Variants in CDH13 observed in about 807,000 individuals in gnomAD.
The protein encoded by CDH13 is cadherin 13, also known as cadherin-13.
Under a neutral mutation model 63.8 loss-of-function variants are expected in CDH13, and 24 were observed. The observed-to-expected ratio is 0.38, with a 90% CI of 0.27 to 0.53. The LOEUF (loss-of-function observed/expected upper bound fraction) is 0.53, where lower values mean the gene tolerates loss of function less well. Among genes scored for constraint, CDH13 ranks in the 20% least tolerant of loss-of-function variants. The probability of loss-of-function intolerance (pLI) is 0.85; values close to 1 mark genes in which losing one functional copy is unlikely to be tolerated. For missense variants in CDH13, 1,049 were observed against 903.1 expected, an observed-to-expected ratio of 1.16 and a Z score of -2.07; for synonymous variants, 503 against 355.3, an observed-to-expected ratio of 1.42 and a Z score of -4.67.
chr16:83,392,429 A>T (rs1434439788), intron 6 of CDH13, among the ~76,000 whole-genome samples: 2 of 152,250 alleles, frequency 1.3e-5, no homozygotes, highest in Non-Finnish European at 2.9e-5. Context: ...ATGAGCTAAG[A>T]TTCTGAGTGC....
chr16:83,023,887 G>A (rs1401488800), intron 2 of CDH13, among the ~76,000 whole-genome samples: 1 of 152,170 alleles, frequency 6.6e-6, no homozygotes, highest in East Asian at 1.9e-4. Context: ...AAAAGAAAAT[G>A]TTGTGGCTTG....
intron 7 of CDH13, among the ~76,000 whole-genome samples, chr16:83,556,978 C>T (rs2075616364): frequency 6.6e-6 from 1 of 152,216 alleles, no homozygotes; most frequent in Admixed American, 6.5e-5. Flanking sequence ...CCCCGACCCC[C>T]AGGCCTGTAG....
intron 1 of CDH13, among the ~76,000 whole-genome samples, chr16:82,766,806 A>T (rs1040756768): frequency 1.3e-4 from 20 of 152,196 alleles, no homozygotes; most frequent in Non-Finnish European, 2.5e-4. Context: ...AATATAAAAT[A>T]TACTATAACA....
At chr16:83,107,731 T>TG (rs201302537) in intron 3 of CDH13, among the ~76,000 whole-genome samples, 5 of 143,722 alleles carry the variant, frequency 3.5e-5, no homozygotes, top group East Asian at 2.0e-4. Context: ...GAATTTTAGG[T>TG]GGGTTTTTTT....
At chr16:82,732,241 T>C (rs944945931) in intron 1 of CDH13, among the ~76,000 whole-genome samples, 3 of 152,196 alleles carry the variant, frequency 2.0e-5, no homozygotes, top group South Asian at 2.1e-4. Context: ...TGTTGAAATA[T>C]TATGTTTGTA....
intron 1 of CDH13, among the ~76,000 whole-genome samples, chr16:82,667,184 A>C (rs149324939): frequency 6.6e-6 from 1 of 152,254 alleles, no homozygotes; most frequent in East Asian, 1.9e-4. Flanking sequence ...AGGGTATTGA[A>C]ATTTAAGAGG....
At chr16:83,134,351 A>G (rs1248921667) in intron 4 of CDH13, among the ~76,000 whole-genome samples, 3 of 152,030 alleles carry the variant, frequency 2.0e-5, no homozygotes, top group African/African-American at 7.2e-5. Context: ...CACCATGCCC[A>G]GTTAATTTTT....
chr16:83,123,433 C>G (rs1164938048), intron 3 of CDH13, among the ~76,000 whole-genome samples: 1 of 152,046 alleles, frequency 6.6e-6, no homozygotes, highest in African/African-American at 2.4e-5. Context: ...GCATGCACCA[C>G]CATGCCCGGC....
intron 7 of CDH13, among the ~76,000 whole-genome samples, chr16:83,492,557 C>G (rs2074039079): frequency 1.3e-5 from 2 of 152,114 alleles, no homozygotes; most frequent in Admixed American, 6.5e-5. Context: ...AATAAATTGC[C>G]TTATTATTTT....
At chr16:83,485,161 G>T (rs2073857854) in intron 6 of CDH13, among the ~76,000 whole-genome samples, 1 of 152,216 alleles carries the variant, frequency 6.6e-6, no homozygotes, top group African/African-American at 2.4e-5. Context: ...CCCTGTTGAT[G>T]AACAGCTAGG....
intron 3 of CDH13, among the ~76,000 whole-genome samples, chr16:83,057,168 T>A (rs2031033232): frequency 6.6e-6 from 1 of 152,108 alleles, no homozygotes; most frequent in African/African-American, 2.4e-5. Flanking sequence ...GGTTTCACCA[T>A]GTTGGCCAGG....
intron 3 of CDH13, among the ~76,000 whole-genome samples, chr16:83,077,341 A>G (rs1326367910): frequency 6.7e-6 from 1 of 150,148 alleles, no homozygotes; most frequent in Admixed American, 6.6e-5. Context: ...ACAGGTGCAC[A>G]CCACCATGCC....
At chr16:82,879,936 A>G (rs2040639625) in intron 2 of CDH13, among the ~76,000 whole-genome samples, 1 of 129,646 alleles carries the variant, frequency 7.7e-6, no homozygotes. Context: ...GAAATATATA[A>G]TATATATTAT....
At chr16:83,359,720 T>C (rs536626974) in intron 6 of CDH13, among the ~76,000 whole-genome samples, 1 of 152,346 alleles carries the variant, frequency 6.6e-6, no homozygotes, top group South Asian at 2.1e-4. Flanking sequence ...TAAATATTTG[T>C]CACAAATTTG....
At chr16:83,468,611 G>A (rs536993639) in intron 6 of CDH13, among the ~76,000 whole-genome samples, 11 of 152,294 alleles carry the variant, frequency 7.2e-5, no homozygotes, top group East Asian at 3.9e-4. Context: ...TGTGTGAGGC[G>A]TAGGGCAAAT....
At chr16:83,265,930 C>T (rs1414208947) in intron 5 of CDH13, among the ~76,000 whole-genome samples, 5 of 151,560 alleles carry the variant, frequency 3.3e-5, no homozygotes, top group African/African-American at 4.9e-5. Context: ...TAGTTATTTT[C>T]GGTTTTTTGT....
Position 83,616,844 on chromosome 16 carries a change from A to G in CDH13, c.1101+14250A>G, listed in dbSNP as rs565557132. Among the ~76,000 whole-genome samples the G allele has an allele frequency of 3.5e-3, 533 of 152,302 alleles. 2 individuals are homozygous for G. Among genetic ancestry groups the G allele is most frequent in the African/African-American group, 0.012 (504 of 41,572 alleles). ...TTTCAAACACTGTCCACCTGGCTAC[A>G]GCCTGCCTTCGTCTTAGGCCACACG... is the stretch of plus-strand genomic sequence containing the variant. On this transcript the variant is annotated intron_variant, in intron 8 of 13. Transcript: ENST00000567109.
intron 7 of CDH13, among the ~76,000 whole-genome samples, chr16:83,502,843 C>A (rs2074312437): frequency 1.3e-5 from 2 of 152,146 alleles, no homozygotes. Context: ...AGGCACAGTC[C>A]ACTTGACCAG....
At chr16:83,271,422 T>TTTAAAAAAAA (rs1555522986) in intron 5 of CDH13, among the ~76,000 whole-genome samples, 7 of 26,032 alleles carry the variant, frequency 2.7e-4, no homozygotes, top group Non-Finnish European at 4.9e-4. Context: ...GCAGAGTTCA[T>TTTAAAAAAAA]AAAAAAAAAA....
Sources: gnomAD v4.1 joint callset for allele counts (sites outside exome capture counted in the v4.1 genomes callset) on GRCh38, gnomAD v4.1.1 for gene constraint, MANE v1.5 for transcripts, NCBI Gene and HGNC (gene_info 2026-07-23, HGNC 2026-07-21) for gene names.